The following KCNIP4 variants were observed in gnomAD, a reference collection of about 807,000 sequenced individuals.
KCNIP4 encodes the protein Kv channel-interacting protein 4.
Under a neutral mutation model 34.0 loss-of-function variants are expected in KCNIP4, and 12 were observed. The ratio of observed to expected loss-of-function variants is 0.35; its 90% CI spans 0.23 to 0.57. The LOEUF is 0.57. KCNIP4 is among the 20% of genes least tolerant of loss of function. KCNIP4 has a pLI of 0.83. For missense variants in KCNIP4, 238 were observed against 311.7 expected (o/e 0.76, Z 1.78); for synonymous variants, 124 against 102.2 (o/e 1.21, Z -1.29).
intron 1 of KCNIP4, among the ~76,000 whole-genome samples, chr4:20,982,863 T>G (rs1208040327): frequency 1.3e-5 from 2 of 152,228 alleles, no homozygotes; most frequent in African/African-American, 4.8e-5. Context: ...GAGGTAAATA[T>G]TCATTACTTG....
chr4:20,946,960 C>T (rs886797149), intron 1 of KCNIP4, among the ~76,000 whole-genome samples: 8 of 152,098 alleles, frequency 5.3e-5, no homozygotes, highest in African/African-American at 1.2e-4. Flanking sequence ...GATGAGCCTG[C>T]CTATATGTAT....
intron 1 of KCNIP4, among the ~76,000 whole-genome samples, chr4:21,307,660 A>G (rs1398990291): frequency 6.6e-6 from 1 of 152,134 alleles, no homozygotes; most frequent in African/African-American, 2.4e-5. Context: ...TGATATTCTC[A>G]CCTAAAAAGC....
intron 1 of KCNIP4, among the ~76,000 whole-genome samples, chr4:21,579,553 C>T (rs1473557745): frequency 6.6e-6 from 1 of 151,968 alleles, no homozygotes; most frequent in Non-Finnish European, 1.5e-5. Flanking sequence ...ATTTGTTTAT[C>T]CTCCCATGGA....
At chr4:21,231,261 C>CA (rs1348540030) in intron 1 of KCNIP4, among the ~76,000 whole-genome samples, 2 of 151,950 alleles carry the variant, frequency 1.3e-5, no homozygotes, top group African/African-American at 2.4e-5. Flanking sequence ...TTTCTTAATG[C>CA]AAAAAAATTA....
intron 1 of KCNIP4, among the ~76,000 whole-genome samples, chr4:21,625,334 T>C (rs10516396): frequency 1.3e-5 from 2 of 151,852 alleles, no homozygotes; most frequent in African/African-American, 4.8e-5. Flanking sequence ...GTAGGTTATA[T>C]GAGAATGTCT....
At chr4:21,054,521 G>GA (rs111426552) in intron 1 of KCNIP4, among the ~76,000 whole-genome samples, 9,271 of 98,386 alleles carry the variant, frequency 0.094, 340 homozygotes, top group East Asian at 0.19. Flanking sequence ...CTCTGTCAAA[G>GA]AAAAAAAAAA....
At chr4:21,317,766 G>C (rs1713938538) in intron 1 of KCNIP4, among the ~76,000 whole-genome samples, 1 of 152,098 alleles carries the variant, frequency 6.6e-6, no homozygotes, top group South Asian at 2.1e-4. Context: ...TGAATCACAG[G>C]AGCAGGTCTT....
chr4:21,820,324 T>TATAC (rs1286970944), intron 1 of KCNIP4, among the ~76,000 whole-genome samples: 75 of 136,652 alleles, frequency 5.5e-4, no homozygotes, highest in East Asian at 1.1e-3. Context: ...TATATATATA[T>TATAC]ACATATATAC....
intron 1 of KCNIP4, among the ~76,000 whole-genome samples, chr4:21,289,488 A>G (rs1208933183): frequency 1.3e-5 from 2 of 152,210 alleles, no homozygotes; most frequent in Non-Finnish European, 2.9e-5. Flanking sequence ...ATCAATTTGA[A>G]TTAAAAGTGA....
chr4:21,421,026 G>C (rs1390205503), intron 1 of KCNIP4, among the ~76,000 whole-genome samples: 1 of 152,066 alleles, frequency 6.6e-6, no homozygotes. Flanking sequence ...TGGCCAACGG[G>C]CATATGAAAT....
intron 1 of KCNIP4, among the ~76,000 whole-genome samples, chr4:21,371,767 A>G (rs1481739007): frequency 2.0e-5 from 3 of 147,256 alleles, no homozygotes; most frequent in Non-Finnish European, 4.4e-5. Flanking sequence ...GGCTGATTAT[A>G]TTATGTAAAT....
chr4:21,554,955 T>G (rs560834353), intron 1 of KCNIP4, among the ~76,000 whole-genome samples: 14 of 152,292 alleles, frequency 9.2e-5, no homozygotes, highest in African/African-American at 3.4e-4. Flanking sequence ...GTTTATATAT[T>G]CTCCATCCCA....
chr4:21,405,233 A>G (rs1723875082), intron 1 of KCNIP4, among the ~76,000 whole-genome samples: 1 of 151,860 alleles, frequency 6.6e-6, no homozygotes, highest in African/African-American at 2.4e-5. Flanking sequence ...CTAAATCCCC[A>G]CTTTCTCATG....
intron 1 of KCNIP4, among the ~76,000 whole-genome samples, chr4:21,798,513 A>G (rs1421208300): frequency 1.0e-3 from 23 of 22,516 alleles, no homozygotes; most frequent in East Asian, 3.3e-3. Flanking sequence ...AGACCCTGGG[A>G]AAAAAAAAAA....
intron 1 of KCNIP4, among the ~76,000 whole-genome samples, chr4:21,892,944 T>C (rs368544505): frequency 1.3e-5 from 2 of 152,162 alleles, no homozygotes; most frequent in Non-Finnish European, 2.9e-5. Context: ...CTTTGGGCCA[T>C]TGATTTAGAA....
intron 1 of KCNIP4, among the ~76,000 whole-genome samples, chr4:21,354,722 A>G (rs1418918598): frequency 1.3e-5 from 2 of 152,176 alleles, no homozygotes; most frequent in East Asian, 3.8e-4. Context: ...CCCCACTGTC[A>G]ACATTAGACA....
chr4:21,453,334 G>C (rs1449469484), intron 1 of KCNIP4, among the ~76,000 whole-genome samples: 1 of 152,010 alleles, frequency 6.6e-6, no homozygotes, highest in Non-Finnish European at 1.5e-5. Flanking sequence ...AGAGGTAGAA[G>C]GTCTTGTACC....
intron 1 of KCNIP4, among the ~76,000 whole-genome samples, chr4:21,509,604 A>G (rs1354248158): frequency 6.6e-6 from 1 of 152,114 alleles, no homozygotes; most frequent in Non-Finnish European, 1.5e-5. Context: ...AAAGTGAGCC[A>G]TTATCCAAAA....
At chr4:21,314,736 A>G (rs148366668) in intron 1 of KCNIP4, among the ~76,000 whole-genome samples, 1,850 of 152,286 alleles carry the variant, frequency 0.012, 26 homozygotes, top group South Asian at 0.048. Context: ...GAAAATGCCA[A>G]TGCAAAACTC....
Sources: gnomAD v4.1 joint callset for allele counts (sites outside exome capture counted in the v4.1 genomes callset) on GRCh38, gnomAD v4.1.1 for gene constraint, MANE v1.5 for transcripts, NCBI Gene and HGNC (gene_info 2026-07-23, HGNC 2026-07-21) for gene names.